Variants in COBL observed in about 807,000 individuals in gnomAD.
COBL encodes the protein cordon-bleu WH2 repeat protein, also known as protein cordon-bleu.
COBL carries 51 observed loss-of-function variants against 98.8 expected under a neutral mutation model. That is an observed-to-expected ratio of 0.52 (90% CI 0.41 to 0.65). The LOEUF is 0.65. COBL is among the 30% of genes least tolerant of loss of function. The probability of loss-of-function intolerance (pLI) is 0.00; values close to 1 mark genes in which losing one functional copy is unlikely to be tolerated. For missense variants in COBL, 1,617 were observed against 1,617.5 expected (o/e 1.00, Z 0.01); for synonymous variants, 634 against 651.7 (o/e 0.97, Z 0.41).
intron 6 of COBL, among the ~76,000 whole-genome samples, chr7:51,116,253 T>C (rs1256325891): frequency 6.6e-6 from 1 of 152,168 alleles, no homozygotes; most frequent in Non-Finnish European, 1.5e-5. Flanking sequence ...CTGTTTATTG[T>C]TTCTCTGTTC....
intron 1 of COBL, among the ~76,000 whole-genome samples, chr7:51,250,774 G>A (rs1175350061): frequency 2.0e-5 from 3 of 152,160 alleles, no homozygotes. Context: ...CAAAGCTATG[G>A]ATGCACAGCT....
chr7:51,179,449 A>G (rs972318435), intron 5 of COBL, among the ~76,000 whole-genome samples: 1 of 152,068 alleles, frequency 6.6e-6, no homozygotes, highest in African/African-American at 2.4e-5. Flanking sequence ...CAGGTGATCC[A>G]CCTGCCTCGG....
intron 6 of COBL, among the ~76,000 whole-genome samples, chr7:51,130,709 G>A (rs951894927): frequency 1.3e-5 from 2 of 152,190 alleles, no homozygotes; most frequent in Admixed American, 1.3e-4. Context: ...ACACCAGAGT[G>A]ACTGATGATG....
intron 4 of COBL, among the ~76,000 whole-genome samples, chr7:51,186,273 A>G (rs1384459464): frequency 1.3e-5 from 2 of 152,264 alleles, no homozygotes; most frequent in Non-Finnish European, 2.9e-5. Flanking sequence ...CTTTCAGTTC[A>G]CGACGGCTTT....
intron 6 of COBL, among the ~76,000 whole-genome samples, chr7:51,096,408 T>C (rs949371728): frequency 3.9e-5 from 6 of 151,958 alleles, no homozygotes; most frequent in African/African-American, 7.2e-5. Context: ...AACACCCATA[T>C]GAAAAACAAC....
At chr7:51,128,717 C>A (rs867580115) in intron 6 of COBL, among the ~76,000 whole-genome samples, 1 of 151,820 alleles carries the variant, frequency 6.6e-6, no homozygotes, top group African/African-American at 2.4e-5. Flanking sequence ...GCCCCTCAAG[C>A]CCCTCAAGGA....
At chr7:51,023,610 C>G (rs905490004) in intron 12 of COBL, among the ~76,000 whole-genome samples, 10 of 152,216 alleles carry the variant, frequency 6.6e-5, no homozygotes, top group African/African-American at 2.4e-4. Context: ...AAGTTGTGAC[C>G]TCTGGGTGTC....
At chr7:51,175,335 C>T (rs1584057914) in intron 5 of COBL, among the ~76,000 whole-genome samples, 2 of 152,286 alleles carry the variant, frequency 1.3e-5, no homozygotes, top group South Asian at 2.1e-4. Context: ...GGTGCATGAA[C>T]GTGAGTTCTC....
At chr7:51,273,030 T>C (rs1194837956) in intron 1 of COBL, among the ~76,000 whole-genome samples, 1 of 151,996 alleles carries the variant, frequency 6.6e-6, no homozygotes, top group Non-Finnish European at 1.5e-5. Flanking sequence ...TAATAGGGCA[T>C]TGAAAAGTTA....
chr7:51,046,769 C>T (rs1588316623), intron 7 of COBL, among the ~76,000 whole-genome samples: 1 of 152,130 alleles, frequency 6.6e-6, no homozygotes, highest in Non-Finnish European at 1.5e-5. Context: ...TGTCCAGCCT[C>T]TGAGGGGCTT....
chr7:51,081,571 C>T (rs1318577049), intron 7 of COBL, among the ~76,000 whole-genome samples: 4 of 152,154 alleles, frequency 2.6e-5, no homozygotes, highest in East Asian at 3.9e-4. Flanking sequence ...CCAGCAGATG[C>T]TGCACCTGAA....
intron 8 of COBL, 120 bp downstream of exon 8, chr7:51,043,262 CG>C: frequency 1.1e-6 from 1 of 886,166 alleles, no homozygotes; most frequent in Non-Finnish European, 1.7e-6. Flanking sequence ...GAATCAGGGT[CG>C]GGGCCCCTGG....
chr7:51,235,098 C>T (rs1795123591), intron 1 of COBL, among the ~76,000 whole-genome samples: 1 of 152,202 alleles, frequency 6.6e-6, no homozygotes, highest in South Asian at 2.1e-4. Context: ...CCAGCCTTGG[C>T]CTGGCATTTC....
At chr7:51,106,548 T>TA (rs1796289490) in intron 6 of COBL, among the ~76,000 whole-genome samples, 1 of 152,220 alleles carries the variant, frequency 6.6e-6, no homozygotes, top group East Asian at 1.9e-4. Context: ...ACCCAAGGTA[T>TA]AGGAAGTTTT....
chr7:51,259,943 G>C (rs2129146893), intron 1 of COBL: 1 of 758,252 alleles, frequency 1.3e-6, no homozygotes, highest in Non-Finnish European at 2.4e-6. Context: ...AAGGCATGAG[G>C]TTTCACTTCT....
intron 5 of COBL, among the ~76,000 whole-genome samples, chr7:51,141,919 A>C (rs1204522601): frequency 6.6e-6 from 1 of 152,174 alleles, no homozygotes; most frequent in Non-Finnish European, 1.5e-5. Context: ...TTCCTTCCCA[A>C]GAGGGTGTTC....
At chr7:51,161,044 C>A (rs1786750099) in intron 5 of COBL, among the ~76,000 whole-genome samples, 1 of 152,136 alleles carries the variant, frequency 6.6e-6, no homozygotes, top group South Asian at 2.1e-4. Flanking sequence ...TATCTCTACA[C>A]AACTGATGTA....
intron 6 of COBL, among the ~76,000 whole-genome samples, chr7:51,126,570 G>A (rs1216022575): frequency 1.3e-5 from 2 of 152,234 alleles, no homozygotes; most frequent in South Asian, 2.1e-4. Context: ...GGCTTCTGGG[G>A]TCAGCCTTGG....
At chr7:51,311,476 T>G (rs1370071014) in intron 1 of COBL, among the ~76,000 whole-genome samples, 31 of 152,206 alleles carry the variant, frequency 2.0e-4, no homozygotes, top group Admixed American at 2.0e-3. Context: ...CACTAGGTCT[T>G]GAAAGTATTG....
Sources: gnomAD v4.1 joint callset for allele counts (sites outside exome capture counted in the v4.1 genomes callset) on GRCh38, gnomAD v4.1.1 for gene constraint, MANE v1.5 for transcripts, NCBI Gene and HGNC (gene_info 2026-07-23, HGNC 2026-07-21) for gene names.